The following RPS6KB1 variants were observed in gnomAD, a reference collection of about 807,000 sequenced individuals.
RPS6KB1 encodes ribosomal protein S6 kinase B1.
Under a neutral mutation model 70.2 loss-of-function variants are expected in RPS6KB1, and 12 were observed. The ratio of observed to expected loss-of-function variants is 0.17; its 90% CI spans 0.11 to 0.28. RPS6KB1 has a LOEUF of 0.28. Ranked by LOEUF, RPS6KB1 falls within the 10% of genes least tolerant of loss-of-function variation. The pLI, the probability that RPS6KB1 is intolerant of heterozygous loss-of-function variation, is 1.00. For missense variants in RPS6KB1, 270 were observed against 646.6 expected, an observed-to-expected ratio of 0.42 and a Z score of 6.32; for synonymous variants, 175 against 211.2, an observed-to-expected ratio of 0.83 and a Z score of 1.49.
intron 4 of RPS6KB1, among the ~76,000 whole-genome samples, chr17:59,919,431 GACA>G (rs1204888401): frequency 1.3e-5 from 2 of 152,118 alleles, no homozygotes; most frequent in African/African-American, 4.8e-5. Flanking sequence ...CTCTAGCTTG[GACA>G]ACAAGAGCGA....
At chr17:59,913,165 T>TAG (rs1476338276) in intron 3 of RPS6KB1, among the ~76,000 whole-genome samples, 3 of 152,198 alleles carry the variant, frequency 2.0e-5, no homozygotes, top group Non-Finnish European at 4.4e-5. Flanking sequence ...TCTGAGTTGT[T>TAG]ATCTGTTACT....
At chr17:59,910,493 GAC>G in intron 1 of RPS6KB1, 67 bp from the exon 2 acceptor site, 1 of 955,954 alleles carries the variant, frequency 1.0e-6, no homozygotes, top group South Asian at 1.5e-5. Flanking sequence ...TCAGTTATGA[GAC>G]AAAGAATTAA....
chr17:59,947,182 C>G lies in RPS6KB1; in HGVS notation c.*394C>G. On this transcript the variant is annotated 3_prime_UTR_variant, in exon 15 of 15. Transcript: ENST00000225577. Reference sequence around the variant, plus strand: ...GCAAAGTACAAAATTGCCTATAATACTTGCAACTAAGGACAAATTAGCATG... The same window carrying G: ...GCAAAGTACAAAATTGCCTATAATAGTTGCAACTAAGGACAAATTAGCATG... 2 of 1,042,404 alleles carry G rather than the reference C, an allele frequency of 1.9e-6. No homozygotes were observed. The highest frequency in any genetic ancestry group is 2.3e-6 in the Non-Finnish European group (2 of 866,096). 64.6% of individuals were successfully genotyped at this position (1,042,404 alleles called of 1,614,324 possible).
chr17:59,900,025 G>T (rs959469076), intron 1 of RPS6KB1, among the ~76,000 whole-genome samples: 4 of 151,990 alleles, frequency 2.6e-5, no homozygotes, highest in Admixed American at 2.0e-4. Flanking sequence ...AATAAATAGT[G>T]GGCATAGTAG....
chr17:59,903,400 A>G (rs2144710921), intron 1 of RPS6KB1, among the ~76,000 whole-genome samples: 1 of 151,708 alleles, frequency 6.6e-6, no homozygotes, highest in East Asian at 1.9e-4. Flanking sequence ...ACCTGAGTCC[A>G]GGAGGTTGAG....
chr17:59,946,025 C>T lies in RPS6KB1; in HGVS notation c.1340+507C>T, dbSNP rs1442215987. ...TCTACTCACAGTGATCAGAGAAAGGCCTCCCTGGTGTAGTAACATCTAGCA... is the reference window on the plus strand; with the variant it reads ...TCTACTCACAGTGATCAGAGAAAGGTCTCCCTGGTGTAGTAACATCTAGCA... On this transcript the variant is annotated intron_variant, in intron 14 of 14. Coordinates refer to ENST00000225577, the MANE Select transcript of RPS6KB1 (RefSeq NM_003161.4). The surrounding 1 kb of genome is among the most constrained non-coding windows in gnomAD (Gnocchi z 4.2). 6.6e-6 allele frequency among the ~76,000 whole-genome samples: 1 copy of T among 152,130 alleles called. No individual in the cohort carries two copies. The highest frequency in any genetic ancestry group is 1.5e-5 in the Non-Finnish European group (1 of 68,034).
intron 1 of RPS6KB1, among the ~76,000 whole-genome samples, chr17:59,909,269 T>C (rs2042474550): frequency 1.6e-5 from 1 of 61,416 alleles, no homozygotes; most frequent in South Asian, 5.7e-4. Context: ...TTTTTTTTTT[T>C]TTTTTTTTTT....
rs1360585771 is a variant in RPS6KB1 at position 59,924,588 on chromosome 17, ACTCAGAAGGTATT to A, written c.382-1842_382-1830del. On this transcript the variant is annotated intron_variant, in intron 4 of 14. Transcript: ENST00000225577. Reference sequence around the variant, plus strand: ...TGGATGATAAAACCATTGGGGTTTTACTCAGAAGGTATTCTCAAAAGTCTTATTTCTTTTCCTT... The same window carrying A: ...TGGATGATAAAACCATTGGGGTTTTACTCAAAAGTCTTATTTCTTTTCCTT... Among the ~76,000 whole-genome samples the A allele has an allele frequency of 2.0e-5, 3 of 152,094 alleles. No homozygotes were observed. In the East Asian group the frequency reaches 5.8e-4, roughly 29 times the overall value.
chr17:59,945,237 G>A (rs2145076569), intron 13 of RPS6KB1, 169 bp from the exon 14 acceptor site: 1 of 485,002 alleles, frequency 2.1e-6, no homozygotes, highest in Non-Finnish European at 3.7e-6. Context: ...TCACGAAATG[G>A]CTGGAAAGAA....
At chr17:59,932,577 G>A (rs1403312621) in intron 7 of RPS6KB1, among the ~76,000 whole-genome samples, 2 of 149,230 alleles carry the variant, frequency 1.3e-5, no homozygotes, top group African/African-American at 4.9e-5. Context: ...TTGAGATGGG[G>A]GTCTCACTCT....
chr17:59,912,954 G>C, intron 3 of RPS6KB1, 150 bp downstream of exon 3: 1 of 824,434 alleles, frequency 1.2e-6, no homozygotes, highest in Non-Finnish European at 1.9e-6. Context: ...GGGATGTACA[G>C]AAGTTCAGTT....
intron 4 of RPS6KB1, among the ~76,000 whole-genome samples, chr17:59,917,820 C>T (rs1389139345): frequency 6.6e-6 from 1 of 152,104 alleles, no homozygotes; most frequent in Non-Finnish European, 1.5e-5. Flanking sequence ...ATTTCCTTCC[C>T]ACTGTTTTCT....
intron 12 of RPS6KB1, among the ~76,000 whole-genome samples, chr17:59,939,418 A>T (rs916195975): frequency 1.3e-5 from 2 of 152,088 alleles, no homozygotes; most frequent in African/African-American, 4.8e-5. Context: ...AGTAGCTGGG[A>T]CCACAGGTAC....
chr17:59,900,003 A>G (rs1486718623), intron 1 of RPS6KB1, among the ~76,000 whole-genome samples: 1 of 152,044 alleles, frequency 6.6e-6, no homozygotes, highest in Non-Finnish European at 1.5e-5. Flanking sequence ...TATCTGTACA[A>G]AAAATTAAAA....
intron 12 of RPS6KB1, among the ~76,000 whole-genome samples, chr17:59,938,138 G>GTTTTTTTTTTTTTTTCTTTTTTTT (rs2044345449): frequency 1.5e-5 from 1 of 66,858 alleles, no homozygotes; most frequent in African/African-American, 5.2e-5. Context: ...TTCCTTAGTT[G>GTTTTTTTTTTTTTTTCTTTTTTTT]TTTTTTTTTT....
At chr17:59,897,629 A>G (rs2041643502) in intron 1 of RPS6KB1, among the ~76,000 whole-genome samples, 1 of 152,190 alleles carries the variant, frequency 6.6e-6, no homozygotes, top group Admixed American at 6.6e-5. Flanking sequence ...ACTAAATGAT[A>G]CATTTATGGA....
Position 59,946,925 on chromosome 17 carries a change from A to G in RPS6KB1, c.*137A>G. On this transcript the variant is annotated 3_prime_UTR_variant, in exon 15 of 15. Transcript: ENST00000225577. The surrounding 1 kb of genome is among the most constrained non-coding windows in gnomAD (Gnocchi z 4.2). The stretch of plus-strand genomic sequence containing the variant: ...ACATAGAACACTTCAGACACAGGAA[A>G]AATAAACGTGGATTTTAAAAAATCA... The G allele has an allele frequency of 6.7e-7, 1 of 1,490,766 alleles. No homozygotes were observed. Among genetic ancestry groups the G allele is most frequent in the Non-Finnish European group, 8.9e-7 (1 of 1,122,572 alleles). 92.3% of individuals were successfully genotyped at this position (1,490,766 alleles called of 1,614,324 possible). A position where few individuals can be genotyped will look rare whatever the true frequency, so the allele number is the denominator to read the frequency against.
chr17:59,903,661 A>G (rs967834121), intron 1 of RPS6KB1, among the ~76,000 whole-genome samples: 2 of 151,970 alleles, frequency 1.3e-5, no homozygotes, highest in Non-Finnish European at 2.9e-5. Context: ...TTACATTCTC[A>G]CTAGCACTGT....
rs2041319232 is a variant in RPS6KB1 at position 59,893,890 on chromosome 17, C to T, written c.141+565C>T. 5 of 984,688 alleles carry T rather than the reference C, an allele frequency of 5.1e-6. No individual in the cohort carries two copies. Among genetic ancestry groups the T allele is most frequent in the Non-Finnish European group, 6.0e-6 (5 of 829,878 alleles). 61.0% of individuals were successfully genotyped at this position (984,688 alleles called of 1,614,324 possible). ...GCCACCAGGAGTTTTATTTCGGGAGCAAGGGGGCTCTGCTGCATCTTCCAA... is the reference window on the plus strand; with the variant it reads ...GCCACCAGGAGTTTTATTTCGGGAGTAAGGGGGCTCTGCTGCATCTTCCAA... On this transcript the variant is annotated intron_variant, in intron 1 of 14. Coordinates refer to ENST00000225577, the MANE Select transcript of RPS6KB1 (RefSeq NM_003161.4). This position sits in a 1 kb window ranked among gnomAD's most constrained non-coding sequence, Gnocchi z 4.1.
Sources: allele counts gnomAD v4.1 joint callset (sites outside exome capture counted in the v4.1 genomes callset), GRCh38; gene constraint gnomAD v4.1.1; non-coding constraint Gnocchi (gnomAD v3.1); transcripts MANE v1.5; gene names NCBI Gene and HGNC (gene_info 2026-07-23, HGNC 2026-07-21).